MGST1: variants seen among roughly 807,000 people sequenced by gnomAD.
MGST1 encodes the protein microsomal glutathione S-transferase 1, also known as glutathione S-transferase 12.
MGST1 carries 5 observed loss-of-function variants against 8.9 expected under a neutral mutation model. The ratio of observed to expected loss-of-function variants is 0.56; its 90% confidence interval spans 0.29 to 1.19. The LOEUF (loss-of-function observed/expected upper bound fraction) is 1.19. Among genes scored for constraint, MGST1 ranks in the 50% most tolerant of loss-of-function variants. The pLI is 0.08. For synonymous variants in MGST1, 54 were observed against 67.8 expected (o/e 0.80, Z 1.00); for missense variants, 182 against 187.4 (o/e 0.97, Z 0.17).
chr12:16,446,962 G>C (rs974048569), intron 4 of MGST1, among the ~76,000 whole-genome samples: 1 of 151,878 alleles, frequency 6.6e-6, no homozygotes, highest in East Asian at 2.0e-4. Flanking sequence ...ATCCTCTGTG[G>C]GTCTTCTGTC....
chr12:16,459,372 A>C (rs1941202640), intron 4 of MGST1, among the ~76,000 whole-genome samples: 2 of 152,086 alleles, frequency 1.3e-5, no homozygotes, highest in African/African-American at 4.8e-5. Flanking sequence ...GTGGTGAATG[A>C]GGAAGAAAAT....
downstream of MGST1, among the ~76,000 whole-genome samples, chr12:16,368,099 G>C (rs982477602): frequency 2.0e-5 from 3 of 152,086 alleles, no homozygotes; most frequent in Non-Finnish European, 4.4e-5. Context: ...TAGTTATTAG[G>C]GAGACCTCTC....
At position 16,589,052 on chromosome 12, in the gene MGST1, G is replaced by T. The variant is rs1943411292; in HGVS notation, n.483-476G>T. On this transcript the variant is annotated intron_variant and non_coding_transcript_variant, in intron 4 of 4. Coordinates refer to the MGST1 transcript ENST00000538857. The surrounding 1 kb of genome is among the most constrained non-coding windows in gnomAD (Gnocchi z 4.2). ...GTAAGTTGCCTAGGAATGTGAAGCT[G>T]GGGTGTAGCAGAAGGGGGTCGACGT... Among the ~76,000 whole-genome samples the T allele has an allele frequency of 6.6e-6, 1 of 152,082 alleles. No individual in the cohort carries two copies. The highest frequency in any genetic ancestry group is 2.4e-5 in the African/African-American group (1 of 41,436).
intron 1 of MGST1, among the ~76,000 whole-genome samples, chr12:16,427,325 T>TG (rs1940899423): frequency 6.6e-6 from 1 of 152,182 alleles, no homozygotes; most frequent in South Asian, 2.1e-4. Flanking sequence ...AACCTGTCTC[T>TG]GACCTGACAA....
chr12:16,527,087 A>C (rs942503190), intron 4 of MGST1, among the ~76,000 whole-genome samples: 1 of 151,984 alleles, frequency 6.6e-6, no homozygotes, highest in Non-Finnish European at 1.5e-5. Flanking sequence ...GTGGCCCTTC[A>C]TGTTTTAGTT....
chr12:16,391,916 TTG>T (rs1423284067), intron 1 of MGST1, among the ~76,000 whole-genome samples: 1 of 152,200 alleles, frequency 6.6e-6, no homozygotes, highest in Non-Finnish European at 1.5e-5. Flanking sequence ...GAGTTGATTT[TTG>T]TATGTGGCAT....
intron 4 of MGST1, among the ~76,000 whole-genome samples, chr12:16,450,937 C>A (rs547343243): frequency 6.6e-6 from 1 of 151,558 alleles, no homozygotes; most frequent in African/African-American, 2.4e-5. Context: ...GTACAATTAT[C>A]TGAATTTGAA....
At chr12:16,543,062 G>A (rs1442303518) in intron 4 of MGST1, among the ~76,000 whole-genome samples, 4 of 152,128 alleles carry the variant, frequency 2.6e-5, no homozygotes, top group African/African-American at 9.7e-5. Context: ...GTTATTACCT[G>A]TTACCTTCTG....
chr12:16,408,437 TATA>T (rs1940714603), intron 1 of MGST1, among the ~76,000 whole-genome samples: 2 of 152,194 alleles, frequency 1.3e-5, no homozygotes, highest in African/African-American at 4.8e-5. Context: ...AATATAGAAT[TATA>T]ATGTGATAGT....
intron 4 of MGST1, among the ~76,000 whole-genome samples, chr12:16,464,982 GT>G (rs1941243773): frequency 6.6e-6 from 1 of 152,236 alleles, no homozygotes; most frequent in African/African-American, 2.4e-5. Context: ...GCTCTGTGTT[GT>G]TTATACTTGG....
intron 4 of MGST1, among the ~76,000 whole-genome samples, chr12:16,455,974 A>C (rs1483926317): frequency 6.6e-6 from 1 of 151,882 alleles, no homozygotes; most frequent in African/African-American, 2.4e-5. Flanking sequence ...TATTAAATGC[A>C]AAAATATTTT....
At chr12:16,514,318 C>T in intron 4 of MGST1, 1 of 299,100 alleles carries the variant, frequency 3.3e-6, no homozygotes, top group Non-Finnish European at 6.6e-6. Flanking sequence ...CTTGATGTGT[C>T]CCATGTATTC....
chr12:16,573,823 AG>A (rs899243029), intron 4 of MGST1: 5 of 152,284 alleles, frequency 3.3e-5, no homozygotes, highest in Admixed American at 2.6e-4. Context: ...TACCACGTTA[AG>A]TGTCGAAATC....
intron 4 of MGST1, among the ~76,000 whole-genome samples, chr12:16,564,957 TA>T (rs200049658): frequency 6.6e-5 from 10 of 150,424 alleles, no homozygotes; most frequent in Non-Finnish European, 1.0e-4. Context: ...GGCTAATTTT[TA>T]AAAAAAAAAT....
intron 3 of MGST1, among the ~76,000 whole-genome samples, chr12:16,358,889 A>G (rs1939860900): frequency 7.2e-6 from 1 of 138,046 alleles, no homozygotes; most frequent in Non-Finnish European, 1.5e-5. Context: ...AGGTTGCATT[A>G]GCCCTTTTTT....
chr12:16,506,566 C>G (rs1258541571), intron 4 of MGST1, among the ~76,000 whole-genome samples: 2 of 152,114 alleles, frequency 1.3e-5, no homozygotes, highest in Non-Finnish European at 2.9e-5. Context: ...GAGATTGTGA[C>G]CTATGGTATA....
chr12:16,409,924 CAT>C (rs1203027979), intron 1 of MGST1, among the ~76,000 whole-genome samples: 1 of 152,070 alleles, frequency 6.6e-6, no homozygotes, highest in African/African-American at 2.4e-5. Context: ...ACTCAGATAA[CAT>C]ATATTAACAA....
intron 4 of MGST1, among the ~76,000 whole-genome samples, chr12:16,449,827 TTCATTAGTTAACAGTGAGAATA>T (rs1458919540): frequency 6.6e-6 from 1 of 151,966 alleles, no homozygotes; most frequent in Non-Finnish European, 1.5e-5. Flanking sequence ...ACCTTCGTTC[TTCATTAGTTAACAGTGAGAATA>T]CTCAAAAGGC....
rs896978406 is a variant in MGST1 at position 16,544,167 on chromosome 12, C to T, written n.483-45361C>T. On this transcript the variant is annotated intron_variant and non_coding_transcript_variant, in intron 4 of 4. Transcript: ENST00000538857. The surrounding 1 kb of genome is among the most constrained non-coding windows in gnomAD (Gnocchi z 4.8). ...CTTTTATTTTTGGATTTCTGGTTTT[C>T]TAAGGTATTGTCTTTCAAAACAAAC... is the stretch of plus-strand genomic sequence containing the variant. 6.6e-6 allele frequency among the ~76,000 whole-genome samples: 1 copy of T among 150,580 alleles called. No individual in the cohort carries two copies. The highest frequency in any genetic ancestry group is 2.4e-5 in the African/African-American group (1 of 40,890).
Sources: allele counts gnomAD v4.1 joint callset (sites outside exome capture counted in the v4.1 genomes callset), GRCh38; gene constraint gnomAD v4.1.1; non-coding constraint Gnocchi (gnomAD v3.1); transcripts MANE v1.5; gene names NCBI Gene and HGNC (gene_info 2026-07-23, HGNC 2026-07-21).